The following DTNB variants were observed in gnomAD, a reference collection of about 807,000 sequenced individuals.
DTNB encodes dystrobrevin beta.
In DTNB, 63 loss-of-function variants were observed where a neutral mutation model predicts 90.7. The ratio of observed to expected loss-of-function variants is 0.69; its 90% CI spans 0.57 to 0.86. The LOEUF is 0.86. Among genes scored for constraint, DTNB ranks in the 40% least tolerant of loss-of-function variants. The pLI is 0.00. For synonymous variants in DTNB, 277 were observed against 286.7 expected, an observed-to-expected ratio of 0.97 and a Z score of 0.34; for missense variants, 744 against 807.1, an observed-to-expected ratio of 0.92 and a Z score of 0.95.
intron 8 of DTNB, among the ~76,000 whole-genome samples, chr2:25,545,636 T>C (rs1466136593): frequency 7.2e-5 from 11 of 152,166 alleles, no homozygotes; most frequent in Non-Finnish European, 1.6e-4. Context: ...TGAGGAACTT[T>C]ATTGTTTATT....
chr2:25,513,678 A>T (rs965413932), intron 9 of DTNB, among the ~76,000 whole-genome samples: 12 of 150,804 alleles, frequency 8.0e-5, no homozygotes, highest in African/African-American at 2.9e-4. Flanking sequence ...ACCCGAGATC[A>T]CACCACTGCA....
intron 19 of DTNB, among the ~76,000 whole-genome samples, chr2:25,381,968 A>G (rs12986453): frequency 0.34 from 52,028 of 152,056 alleles, 9,604 homozygotes; most frequent in Non-Finnish European, 0.43. Context: ...CAGCTTCCTT[A>G]CCTGTATCTC....
intron 7 of DTNB, 67 bp downstream of exon 7, chr2:25,580,654 C>T (rs1198839425): frequency 1.5e-6 from 2 of 1,329,892 alleles, no homozygotes; most frequent in East Asian, 2.3e-5. Flanking sequence ...TAGCTAAGGA[C>T]ATTGCAAATA....
At chr2:25,411,125 G>A (rs983189947) in intron 16 of DTNB, among the ~76,000 whole-genome samples, 2 of 151,966 alleles carry the variant, frequency 1.3e-5, no homozygotes, top group African/African-American at 2.4e-5. Context: ...TTGGGAGGTC[G>A]AGGCAGGCAG....
At position 25,648,589 on chromosome 2, in the gene DTNB, A is replaced by C. The variant is rs563281378; in HGVS notation, c.67+4005T>G. ...TTCTGAAAACTAAGGTTAAAAAAAA[A>C]CTATTTAAATTATTAAATTATTATG... On this transcript the variant is annotated intron_variant, in intron 2 of 20. Transcript: ENST00000406818. Among the ~76,000 whole-genome samples, 4 of 152,258 alleles carry C rather than the reference A, an allele frequency of 2.6e-5. No individual in the cohort carries two copies. The Middle Eastern group carries it at 0.01, about 388-fold the overall frequency.
intron 16 of DTNB, 80 bp from the exon 17 acceptor site, chr2:25,388,441 C>A: frequency 1.3e-6 from 2 of 1,483,834 alleles, no homozygotes; most frequent in Admixed American, 2.3e-5. Flanking sequence ...TTTTCTCCAT[C>A]AACCAGAGCC....
intron 9 of DTNB, among the ~76,000 whole-genome samples, chr2:25,524,648 A>C (rs1273616615): frequency 6.6e-6 from 1 of 152,074 alleles, no homozygotes; most frequent in East Asian, 1.9e-4. Flanking sequence ...GGTATGTGTC[A>C]TTTCTGAACC....
At chr2:25,670,135 T>G (rs980234788) in intron 1 of DTNB, among the ~76,000 whole-genome samples, 18 of 152,344 alleles carry the variant, frequency 1.2e-4, no homozygotes, top group Admixed American at 1.0e-3. Flanking sequence ...AAGACTCAGG[T>G]TGATTCCTGT....
intron 8 of DTNB, among the ~76,000 whole-genome samples, chr2:25,568,424 T>C (rs2059361282): frequency 6.6e-6 from 1 of 151,956 alleles, no homozygotes; most frequent in Admixed American, 6.6e-5. Flanking sequence ...AAAGCACGTA[T>C]GCCCAGATCA....
chr2:25,534,958 C>T (rs1363769113), intron 8 of DTNB, among the ~76,000 whole-genome samples: 1 of 137,754 alleles, frequency 7.3e-6, no homozygotes, highest in East Asian at 2.3e-4. Flanking sequence ...CGCTCCTTAC[C>T]GCCCAGACAA....
intron 10 of DTNB, among the ~76,000 whole-genome samples, chr2:25,481,402 C>T (rs1182628825): frequency 1.6e-5 from 1 of 64,116 alleles, no homozygotes; most frequent in Non-Finnish European, 3.1e-5. Context: ...GAGACAGTGT[C>T]TCCAAATTTA....
At chr2:25,464,646 A>G (rs781758603) in intron 10 of DTNB, among the ~76,000 whole-genome samples, 8 of 152,224 alleles carry the variant, frequency 5.3e-5, no homozygotes, top group African/African-American at 9.7e-5. Flanking sequence ...CAGAGTAGGA[A>G]AAGAGTGAGA....
At chr2:25,632,753 T>C (rs2076046585) in intron 3 of DTNB, among the ~76,000 whole-genome samples, 2 of 152,194 alleles carry the variant, frequency 1.3e-5, no homozygotes, top group African/African-American at 4.8e-5. Context: ...ACAAAATAAA[T>C]TCCTTTCTTT....
intron 8 of DTNB, among the ~76,000 whole-genome samples, chr2:25,550,078 T>C (rs752850250): frequency 2.0e-5 from 3 of 152,076 alleles, no homozygotes; most frequent in Non-Finnish European, 4.4e-5. Flanking sequence ...GAGTTACTTC[T>C]CTCAGCAGCT....
chr2:25,634,578 G>A lies in DTNB; in HGVS notation c.148+4436C>T, dbSNP rs1275447600. On this transcript the variant is annotated intron_variant, in intron 3 of 20. Coordinates refer to ENST00000406818, the MANE Select transcript of DTNB (RefSeq NM_021907.5). The stretch of plus-strand genomic sequence containing the variant: ...GTGTGCCCAGCAGCTCATTGAGAAC[G>A]GGCCAGGATGACAATGGCGGTTTTG... 7.3e-5 allele frequency among the ~76,000 whole-genome samples: 10 copies of A among 136,324 alleles called. 1 individual carries two copies. The highest frequency in any genetic ancestry group is 2.0e-4 in the African/African-American group (8 of 39,914). The allele number at this position is 136,324 out of a possible 152,430, so 89.4% of individuals were successfully genotyped here.
At chr2:25,451,471 T>C in intron 12 of DTNB, 77 bp downstream of exon 12, 1 of 1,424,964 alleles carries the variant, frequency 7.0e-7, no homozygotes, top group Non-Finnish European at 9.5e-7. Flanking sequence ...AAATTTCATG[T>C]CTACTATTCC....
In DTNB at chr2:25,434,614, T is replaced by C. The variant is rs545819318; in HGVS notation, c.1258-619A>G. Among the ~76,000 whole-genome samples the C allele has an allele frequency of 2.0e-5, 3 of 152,134 alleles. No individual in the cohort carries two copies. In the South Asian group the frequency reaches 6.2e-4, roughly 32 times the overall value. On this transcript the variant is annotated intron_variant, in intron 12 of 20. Coordinates refer to ENST00000406818, the MANE Select transcript of DTNB (RefSeq NM_021907.5). ...GTATAGTATTCTATTGTTTCCAGCT[T>C]TTGGTTATTATCTATTGTTTCCAGC...
intron 12 of DTNB, among the ~76,000 whole-genome samples, chr2:25,435,374 G>A (rs2055382285): frequency 6.6e-6 from 1 of 152,132 alleles, no homozygotes. Context: ...ACCCCAAAAA[G>A]AAACAGCATA....
At chr2:25,592,563 A>T (rs1194470924) in intron 6 of DTNB, among the ~76,000 whole-genome samples, 1 of 152,036 alleles carries the variant, frequency 6.6e-6, no homozygotes, top group African/African-American at 2.4e-5. Flanking sequence ...ATTTTGGGTT[A>T]GTTTCCCAGG....
Sources: gnomAD v4.1 joint callset for allele counts (sites outside exome capture counted in the v4.1 genomes callset) on GRCh38, gnomAD v4.1.1 for gene constraint, MANE v1.5 for transcripts, NCBI Gene and HGNC (gene_info 2026-07-23, HGNC 2026-07-21) for gene names.